Variants in RPL22 observed in about 807,000 individuals in gnomAD.
The protein encoded by RPL22 is ribosomal protein L22, also known as large ribosomal subunit protein eL22.
RPL22 carries 4 observed loss-of-function variants against 16.2 expected under a neutral mutation model. The observed-to-expected ratio is 0.25, with a 90% CI of 0.12 to 0.57. The LOEUF (loss-of-function observed/expected upper bound fraction) is 0.57. RPL22 is among the 20% of genes least tolerant of loss of function. The probability of loss-of-function intolerance (pLI) is 0.92; values close to 1 mark genes in which losing one functional copy is unlikely to be tolerated. For synonymous variants in RPL22, 43 were observed against 54.8 expected (o/e 0.78, Z 0.95); for missense variants, 83 against 156.1 (o/e 0.53, Z 2.49).
chr1:6,189,441 T>C (rs941848476), intron 3 of RPL22, among the ~76,000 whole-genome samples: 1 of 152,114 alleles, frequency 6.6e-6, no homozygotes, highest in East Asian at 1.9e-4. Context: ...GGCACTCGTG[T>C]AGTCCCAGCT....
chr1:6,186,589 T>G lies in RPL22; in HGVS notation c.*83A>C. 1 of 908,288 alleles carries G rather than the reference T, an allele frequency of 1.1e-6. No homozygotes were observed. Among genetic ancestry groups the G allele is most frequent in the African/African-American group, 1.7e-5 (1 of 57,384 alleles). 56.3% of individuals were successfully genotyped at this position (908,288 alleles called of 1,614,324 possible). A position where few individuals can be genotyped will look rare whatever the true frequency, so the allele number is the denominator to read the frequency against. On this transcript the variant is annotated 3_prime_UTR_variant, in exon 4 of 4. Transcript: ENST00000234875. The stretch of plus-strand genomic sequence containing the variant: ...TTCCAATTTTCTGTTCAATCCACAC[T>G]GCAGAGATACAAGGATAAACCACCA...
chr1:6,193,565 C>T (rs1254379399), intron 2 of RPL22, among the ~76,000 whole-genome samples: 6 of 152,168 alleles, frequency 3.9e-5, no homozygotes, highest in Admixed American at 3.9e-4. Context: ...TCAGGTGATT[C>T]GTCCACCTCT....
chr1:6,187,481 C>T (rs117730888), intron 3 of RPL22, among the ~76,000 whole-genome samples: 1 of 151,384 alleles, frequency 6.6e-6, no homozygotes, highest in Non-Finnish European at 1.5e-5. Context: ...AGACGTCGTG[C>T]TGGGCGCCTG....
intron 3 of RPL22, 53 bp downstream of exon 3, chr1:6,192,877 G>A (rs1249118659): frequency 6.2e-7 from 1 of 1,604,688 alleles, no homozygotes; most frequent in Non-Finnish European, 8.5e-7. Flanking sequence ...GCAGGGAAAA[G>A]GCGGGCTGGG....
At chr1:6,196,882 CACCTG>C (rs1014550733) in intron 2 of RPL22, among the ~76,000 whole-genome samples, 6 of 152,164 alleles carry the variant, frequency 3.9e-5, no homozygotes, top group African/African-American at 1.2e-4. Flanking sequence ...GAACTGCTGC[CACCTG>C]TCCAAAGCTC....
chr1:6,196,789 A>G (rs1667723476), intron 2 of RPL22, among the ~76,000 whole-genome samples: 1 of 152,154 alleles, frequency 6.6e-6, no homozygotes, highest in South Asian at 2.1e-4. Flanking sequence ...TGAAGAAAAA[A>G]AAAAAAGCTC....
At chr1:6,188,532 A>T (rs1371669611) in intron 3 of RPL22, among the ~76,000 whole-genome samples, 6 of 142,674 alleles carry the variant, frequency 4.2e-5, no homozygotes, top group Non-Finnish European at 7.7e-5. Flanking sequence ...TCTACACAAC[A>T]TTTTTTTTTT....
At chr1:6,186,949 G>A (rs1009247994) in intron 3 of RPL22, 133 bp from the exon 4 acceptor site, 12 of 1,343,816 alleles carry the variant, frequency 8.9e-6, no homozygotes, top group Non-Finnish European at 1.2e-5. Context: ...AAATGGCAAA[G>A]GTAAGGCAAA....
At chr1:6,189,796 C>T (rs1667627028) in intron 3 of RPL22, among the ~76,000 whole-genome samples, 1 of 152,132 alleles carries the variant, frequency 6.6e-6, no homozygotes, top group South Asian at 2.1e-4. Flanking sequence ...TGGCAGGCGC[C>T]TGTAATCCCA....
chr1:6,191,998 C>CAA (rs548085787), intron 3 of RPL22, among the ~76,000 whole-genome samples: 102 of 67,150 alleles, frequency 1.5e-3, no homozygotes, highest in African/African-American at 4.6e-3. Context: ...GACTCGGTTT[C>CAA]AAAAAAAAAA....
chr1:6,192,985 T>C lies in RPL22; in HGVS notation c.187A>G (p.Ile63Val). 10 of 1,614,128 alleles carry C rather than the reference T, an allele frequency of 6.2e-6. No individual in the cohort carries two copies. Among genetic ancestry groups the C allele is most frequent in the Non-Finnish European group, 7.6e-6 (9 of 1,180,006 alleles). The change falls in exon 3 of 4, where the codon ATC becomes GTC. Residue 63 changes from isoleucine (I) to valine (V), a missense_variant. Transcript: ENST00000234875. ...GTGATCTTGCTCTTGCTCCTTTCGA[T>C]GGTCACCACCCCTCCACCAAGGTTC... is the stretch of plus-strand genomic sequence containing the variant. Reference protein sequence around the residue: ...AGNLGGGVVTIERSKSKITVT... With the variant: ...AGNLGGGVVTVERSKSKITVT...
At chr1:6,199,345 G>C (rs922234433) in intron 1 of RPL22, 2 of 1,289,538 alleles carry the variant, frequency 1.6e-6, no homozygotes, top group African/African-American at 1.5e-5. Flanking sequence ...GGGCCTCCGA[G>C]ACCTCCCGGA....
Position 6,197,582 on chromosome 1 carries a change from C to T in RPL22, c.117+70G>A, listed in dbSNP as rs946928093. On this transcript the variant is annotated intron_variant, in intron 2 of 3. Transcript: ENST00000234875. ...ATAAGCCTGAAAACAGAAATGTACC[C>T]CAGTAGGTTTTCTCAACAGTATCTC... is the stretch of plus-strand genomic sequence containing the variant. 1.8e-5 allele frequency: 18 copies of T among 980,052 alleles called. No homozygotes were observed. In the African/African-American group the frequency reaches 2.7e-4, roughly 15 times the overall value. The allele number at this position is 980,052 out of a possible 1,614,324, so 60.7% of individuals were successfully genotyped here. A position where few individuals can be genotyped will look rare whatever the true frequency, so the allele number is the denominator to read the frequency against.
chr1:6,199,282 C>T (rs1483837031), intron 1 of RPL22: 1 of 746,386 alleles, frequency 1.3e-6, no homozygotes, highest in Non-Finnish European at 1.8e-6. Context: ...AGTGGCCGGC[C>T]CAGACCGCAG....
chr1:6,193,814 A>G (rs934515250), intron 2 of RPL22, among the ~76,000 whole-genome samples: 2 of 152,210 alleles, frequency 1.3e-5, no homozygotes, highest in African/African-American at 4.8e-5. Context: ...ATTTACATAC[A>G]TACTATGAGA....
chr1:6,189,415 T>C (rs1483043116), intron 3 of RPL22, among the ~76,000 whole-genome samples: 2 of 152,120 alleles, frequency 1.3e-5, no homozygotes, highest in East Asian at 3.8e-4. Context: ...TTCCCTGACA[T>C]AGCCGGACAT....
In RPL22 at chr1:6,185,478, A is replaced by G. The variant is rs79757299; in HGVS notation, c.*1194T>C. 1,179 of 397,806 alleles carry G rather than the reference A, an allele frequency of 3.0e-3. 28 individuals carry two copies. The East Asian group carries it at 0.038, about 13-fold the overall frequency. The allele number at this position is 397,806 out of a possible 1,614,324, so 24.6% of individuals were successfully genotyped here. ...AGCCTCAACACGTTCAACTCAATCC[A>G]CAGAGCACCAAATGTTTAATGGGAG... is the stretch of plus-strand genomic sequence containing the variant. On this transcript the variant is annotated 3_prime_UTR_variant, in exon 4 of 4. Coordinates refer to ENST00000234875, the MANE Select transcript of RPL22 (RefSeq NM_000983.4).
chr1:6,194,665 T>C (rs550404800), intron 2 of RPL22, among the ~76,000 whole-genome samples: 44 of 152,264 alleles, frequency 2.9e-4, no homozygotes, highest in Non-Finnish European at 5.6e-4. Flanking sequence ...GGCAGGAAGA[T>C]TGCTCAAGCC....
In RPL22 at chr1:6,185,244, A is replaced by C; in HGVS notation, c.*1428T>G. On this transcript the variant is annotated 3_prime_UTR_variant, in exon 4 of 4. Transcript: ENST00000234875. ...CTTACTACATGGGAACATCAATGCA[A>C]CAAGTAGAATTTGTAAACTCAAGCC... 2.5e-6 allele frequency: 1 copy of C among 398,828 alleles called. No homozygotes were observed. The highest frequency in any genetic ancestry group is 4.4e-6 in the Non-Finnish European group (1 of 226,024). The allele number at this position is 398,828 out of a possible 1,614,324, so 24.7% of individuals were successfully genotyped here.
Sources: gnomAD v4.1 joint callset for allele counts (sites outside exome capture counted in the v4.1 genomes callset) on GRCh38, gnomAD v4.1.1 for gene constraint, MANE v1.5 for transcripts, NCBI Gene and HGNC (gene_info 2026-07-23, HGNC 2026-07-21) for gene names.